The following KLF6 variants were observed in gnomAD, a reference collection of about 807,000 sequenced individuals.
KLF6 encodes KLF transcription factor 6.
For missense variants in KLF6, 233 were observed against 359.8 expected (o/e 0.65, Z 2.85); for synonymous variants, 152 against 147.9 (o/e 1.03, Z -0.20).
rs1358513752 is a variant in KLF6 at position 3,785,170 on chromosome 10, G to A, written c.-156C>T. 6.9e-7 allele frequency: 1 copy of A among 1,458,448 alleles called. No individual in the cohort carries two copies. The highest frequency in any genetic ancestry group is 1.2e-5 in the South Asian group (1 of 81,912). 90.3% of individuals were successfully genotyped at this position (1,458,448 alleles called of 1,614,324 possible). On this transcript the variant is annotated 5_prime_UTR_variant, in exon 1 of 4. Coordinates refer to ENST00000497571, the MANE Select transcript of KLF6 (RefSeq NM_001300.6). ...CGGACCCTCCCGCAGCCCGCAGCGCGCGGAGCCCACACAATATTTGCAAAC... is the reference window on the plus strand; with the variant it reads ...CGGACCCTCCCGCAGCCCGCAGCGCACGGAGCCCACACAATATTTGCAAAC...
In KLF6 at chr10:3,785,087, C is replaced by G. The variant is rs1832621655; in HGVS notation, c.-73G>C. 1 of 1,600,928 alleles carries G rather than the reference C, an allele frequency of 6.2e-7. No individual in the cohort carries two copies. Among genetic ancestry groups the G allele is most frequent in the African/African-American group, 1.3e-5 (1 of 74,650 alleles). On this transcript the variant is annotated 5_prime_UTR_variant, in exon 1 of 4. Coordinates refer to ENST00000497571, the MANE Select transcript of KLF6 (RefSeq NM_001300.6). ...CGCGGTGGGAGCCGGAGCCGAAAGT[C>G]TCCCCGGAGCGCAGGTGAAAGTTTC...
At position 3,781,563 on chromosome 10, in the gene KLF6, G is replaced by T; in HGVS notation, c.676+78C>A. 2.5e-6 allele frequency: 4 copies of T among 1,583,398 alleles called. No homozygotes were observed. The highest frequency in any genetic ancestry group is 3.4e-6 in the Non-Finnish European group (4 of 1,164,878). ...CCCTGACCACATCCTGTGCAGCCAG[G>T]CCCGGCTCCCTCCAGGGCTGGTGCA... On this transcript the variant is annotated intron_variant, in intron 2 of 3. Transcript: ENST00000497571. The surrounding 1 kb of genome is among the most constrained non-coding windows in gnomAD (Gnocchi z 5.8).
intron 1 of KLF6, among the ~76,000 whole-genome samples, chr10:3,784,580 A>C (rs902152296): frequency 1.1e-4 from 17 of 151,356 alleles, no homozygotes; most frequent in African/African-American, 2.4e-4. Context: ...CGTTAAAAAA[A>C]AACAACAAAA....
chr10:3,777,130 A>T lies in KLF6; in HGVS notation c.*2409T>A, dbSNP rs754462960. On this transcript the variant is annotated 3_prime_UTR_variant, in exon 4 of 4. Transcript: ENST00000497571. ...GGTAAATGTATTCATCAGCCCAGAT[A>T]AAAAAAAAACCAGTTATGTGAGCGT... 3.5e-4 allele frequency: 148 copies of T among 422,596 alleles called. 1 individual carries two copies. Among genetic ancestry groups the T allele is most frequent in the Middle Eastern group, 1.3e-3 (2 of 1,578 alleles). 26.2% of individuals were successfully genotyped at this position (422,596 alleles called of 1,614,324 possible). A position where few individuals can be genotyped will look rare whatever the true frequency, so the allele number is the denominator to read the frequency against.
Position 3,779,605 on chromosome 10 carries a change from C to G in KLF6, c.801-15G>C, listed in dbSNP as rs1832477157. ...TGGAAAAACACCTGCAAGGGCAAAT[C>G]AGAAGCACAGAAGAAGTTAGGTTCC... On this transcript the variant is annotated splice_polypyrimidine_tract_variant and intron_variant, in intron 3 of 3. Transcript: ENST00000497571. 3.1e-6 allele frequency: 5 copies of G among 1,613,490 alleles called. No individual in the cohort carries two copies. The highest frequency in any genetic ancestry group is 3.4e-6 in the Non-Finnish European group (4 of 1,179,506).
Position 3,781,648 on chromosome 10 carries a change from C to T in KLF6, c.669G>A (p.Thr223=), listed in dbSNP as rs556380286. 5.6e-6 allele frequency: 9 copies of T among 1,612,470 alleles called. No homozygotes were observed. Among genetic ancestry groups the T allele is most frequent in the Middle Eastern group, 1.7e-4 (1 of 6,050 alleles). The change falls in exon 2 of 4, where the codon ACG becomes ACA. Residue 223 remains threonine (T), a synonymous_variant. Transcript: ENST00000497571. This position sits in a 1 kb window ranked among gnomAD's most constrained non-coding sequence, Gnocchi z 5.8. ...KSSHLKAHQR[T]HTGEKPYRCS... ...GCCCGCGTGGGCACTGACCTGTGTG[C>T]GTCCGCTGGTGTGCTTTCAAGTGGG...
At position 3,776,269 on chromosome 10, in the gene KLF6, G is replaced by A. The variant is rs537914963; in HGVS notation, c.*3270C>T. 10 of 532,806 alleles carry A rather than the reference G, an allele frequency of 1.9e-5. No homozygotes were observed. The highest frequency in any genetic ancestry group is 1.1e-4 in the African/African-American group (6 of 53,884). 33.0% of individuals were successfully genotyped at this position (532,806 alleles called of 1,614,324 possible). On this transcript the variant is annotated 3_prime_UTR_variant, in exon 4 of 4. Coordinates refer to ENST00000497571, the MANE Select transcript of KLF6 (RefSeq NM_001300.6). ...GCATTCCCTGGCTTGAGCAATGGAA[G>A]ATCAAACCGGCATGGTTCCCTACTG...
In KLF6 at chr10:3,777,591, C is replaced by A; in HGVS notation, c.*1948G>T. On this transcript the variant is annotated 3_prime_UTR_variant, in exon 4 of 4. Transcript: ENST00000497571. ...AACAGATTCAAGCAAGAAAGTCCTC[C>A]GCACATCGTTAAATTAAAGATAAAG... 1 of 510,574 alleles carries A rather than the reference C, an allele frequency of 2.0e-6. No individual in the cohort carries two copies. The highest frequency in any genetic ancestry group is 3.8e-6 in the Non-Finnish European group (1 of 261,390). 31.6% of individuals were successfully genotyped at this position (510,574 alleles called of 1,614,324 possible).
Position 3,779,441 on chromosome 10 carries a change from C to A in KLF6, c.*98G>T, listed in dbSNP as rs895439398. The A allele has an allele frequency of 4.7e-6, 5 of 1,065,528 alleles. No individual in the cohort carries two copies. In the African/African-American group the frequency reaches 6.2e-5, roughly 13 times the overall value. 66.0% of individuals were successfully genotyped at this position (1,065,528 alleles called of 1,614,324 possible). Reference sequence around the variant, plus strand: ...GCCCTGGAGGCAACTGGGTAGGGTGCAGAACGGCATGCTTTGGCTGGAACA... The same window carrying A: ...GCCCTGGAGGCAACTGGGTAGGGTGAAGAACGGCATGCTTTGGCTGGAACA... On this transcript the variant is annotated 3_prime_UTR_variant, in exon 4 of 4. Coordinates refer to ENST00000497571, the MANE Select transcript of KLF6 (RefSeq NM_001300.6).
In KLF6 at chr10:3,781,537, G is replaced by A. The variant is rs1174666113; in HGVS notation, c.676+104C>T. 4.5e-6 allele frequency: 7 copies of A among 1,561,638 alleles called. No homozygotes were observed. In the East Asian group the frequency reaches 1.4e-4, roughly 32 times the overall value. On this transcript the variant is annotated intron_variant, in intron 2 of 3. Transcript: ENST00000497571. The surrounding 1 kb of genome is among the most constrained non-coding windows in gnomAD (Gnocchi z 5.8). ...CATCTGAGGAAGTGAGGATTTGTCT[G>A]CCCTGACCACATCCTGTGCAGCCAG...
Position 3,776,919 on chromosome 10 carries a change from GTT to G in KLF6, c.*2618_*2619del, listed in dbSNP as rs755089147. ...TCGTAAGTGAGACAAGCCAGTGCAA[GTT>G]TTTTTTTTTCCTTTTTTTTTTTTTG... On this transcript the variant is annotated 3_prime_UTR_variant, in exon 4 of 4. Coordinates refer to ENST00000497571, the MANE Select transcript of KLF6 (RefSeq NM_001300.6). 2.3e-6 allele frequency: 1 copy of G among 432,458 alleles called. No homozygotes were observed. The highest frequency in any genetic ancestry group is 2.2e-5 in the African/African-American group (1 of 46,316). The allele number at this position is 432,458 out of a possible 1,614,324, so 26.8% of individuals were successfully genotyped here. A position where few individuals can be genotyped will look rare whatever the true frequency, so the allele number is the denominator to read the frequency against.
rs1301874282 is a variant in KLF6, at chr10:3,778,945, G to C, written c.*594C>G. On this transcript the variant is annotated 3_prime_UTR_variant, in exon 4 of 4. Coordinates refer to ENST00000497571, the MANE Select transcript of KLF6 (RefSeq NM_001300.6). Reference sequence around the variant, plus strand: ...TCCTCTCACACAGAAAAGGGGGAGAGAGGCTCTCCCTCCCCACACCACTCG... The same window carrying C: ...TCCTCTCACACAGAAAAGGGGGAGACAGGCTCTCCCTCCCCACACCACTCG... The C allele has an allele frequency of 1.9e-6, 1 of 534,852 alleles. No individual in the cohort carries two copies. Among genetic ancestry groups the C allele is most frequent in the South Asian group, 1.5e-5 (1 of 65,174 alleles). 33.1% of individuals were successfully genotyped at this position (534,852 alleles called of 1,614,324 possible). A position where few individuals can be genotyped will look rare whatever the true frequency, so the allele number is the denominator to read the frequency against.
Position 3,776,221 on chromosome 10 carries a change from C to G in KLF6, c.*3318G>C. 1.9e-6 allele frequency: 1 copy of G among 532,340 alleles called. No individual in the cohort carries two copies. Among genetic ancestry groups the G allele is most frequent in the Non-Finnish European group, 3.6e-6 (1 of 275,192 alleles). 33.0% of individuals were successfully genotyped at this position (532,340 alleles called of 1,614,324 possible). Reference sequence around the variant, plus strand: ...GTGGCAGGGAAACACTCAAGTTTGTCGTTGTGCAGGTGCCTCTGCAATGCA... The same window carrying G: ...GTGGCAGGGAAACACTCAAGTTTGTGGTTGTGCAGGTGCCTCTGCAATGCA... On this transcript the variant is annotated 3_prime_UTR_variant, in exon 4 of 4. Coordinates refer to ENST00000497571, the MANE Select transcript of KLF6 (RefSeq NM_001300.6).
In KLF6 at chr10:3,777,387, A is replaced by T. The variant is rs758089521; in HGVS notation, c.*2152T>A. On this transcript the variant is annotated 3_prime_UTR_variant, in exon 4 of 4. Transcript: ENST00000497571. ...CTGCATAAAAAGTGTTCTACAAAAGAATCCCTGTGGTTAGCTTACTCTTAG... is the reference window on the plus strand; with the variant it reads ...CTGCATAAAAAGTGTTCTACAAAAGTATCCCTGTGGTTAGCTTACTCTTAG... 8 of 512,382 alleles carry T rather than the reference A, an allele frequency of 1.6e-5. No individual in the cohort carries two copies. In the Middle Eastern group the frequency reaches 1.7e-3, roughly 107 times the overall value. 31.7% of individuals were successfully genotyped at this position (512,382 alleles called of 1,614,324 possible). A position where few individuals can be genotyped will look rare whatever the true frequency, so the allele number is the denominator to read the frequency against.
intron 1 of KLF6, 77 bp downstream of exon 1, chr10:3,784,836 C>A: frequency 7.2e-7 from 1 of 1,386,612 alleles, no homozygotes; most frequent in Non-Finnish European, 9.7e-7. Flanking sequence ...CCGCAGAGAG[C>A]ACCGGGTCTG....
Position 3,779,091 on chromosome 10 carries a change from C to A in KLF6, c.*448G>T. ...CTAAGGTGCAGACACCCCCTCCCCC[C>A]AAGGAAATGATTGGTGGTCATCTCA... On this transcript the variant is annotated 3_prime_UTR_variant, in exon 4 of 4. Coordinates refer to ENST00000497571, the MANE Select transcript of KLF6 (RefSeq NM_001300.6). The A allele has an allele frequency of 3.7e-6, 2 of 536,238 alleles. No homozygotes were observed. Among genetic ancestry groups the A allele is most frequent in the Non-Finnish European group, 7.2e-6 (2 of 277,458 alleles). The allele number at this position is 536,238 out of a possible 1,614,324, so 33.2% of individuals were successfully genotyped here.
rs1415921882 is a variant in KLF6 at position 3,781,582 on chromosome 10, T to C, written c.676+59A>G. On this transcript the variant is annotated intron_variant, in intron 2 of 3. Coordinates refer to ENST00000497571, the MANE Select transcript of KLF6 (RefSeq NM_001300.6). The surrounding 1 kb of genome is among the most constrained non-coding windows in gnomAD (Gnocchi z 5.8). The stretch of plus-strand genomic sequence containing the variant: ...AGCCAGGCCCGGCTCCCTCCAGGGC[T>C]GGTGCAATGCAGTGGCGCCCACCAG... 1 of 1,600,932 alleles carries C rather than the reference T, an allele frequency of 6.2e-7. No individual in the cohort carries two copies. Among genetic ancestry groups the C allele is most frequent in the East Asian group, 2.3e-5 (1 of 43,978 alleles).
Position 3,776,308 on chromosome 10 carries a change from G to C in KLF6, c.*3231C>G. The stretch of plus-strand genomic sequence containing the variant: ...GGTTCCCTACTGTGCCCACAGCCGG[G>C]GGGTTGTTTTTGTCAGTCCTTGGAG... On this transcript the variant is annotated 3_prime_UTR_variant, in exon 4 of 4. Transcript: ENST00000497571. The C allele has an allele frequency of 1.9e-6, 1 of 533,016 alleles. No homozygotes were observed. The highest frequency in any genetic ancestry group is 3.9e-5 in the East Asian group (1 of 25,578). The allele number at this position is 533,016 out of a possible 1,614,324, so 33.0% of individuals were successfully genotyped here.
At position 3,777,836 on chromosome 10, in the gene KLF6, A is replaced by T. The variant is rs1481505810; in HGVS notation, c.*1703T>A. ...AAGAATTCTGCCCACTTTTTTAAAA[A>T]AGTAGTATACTTTCTGTATTACCAA... On this transcript the variant is annotated 3_prime_UTR_variant, in exon 4 of 4. Transcript: ENST00000497571. 1.9e-5 allele frequency: 9 copies of T among 481,520 alleles called. No homozygotes were observed. The highest frequency in any genetic ancestry group is 4.7e-5 in the Admixed American group (2 of 42,558). 29.8% of individuals were successfully genotyped at this position (481,520 alleles called of 1,614,324 possible).
Sources: gnomAD v4.1 joint callset for allele counts (sites outside exome capture counted in the v4.1 genomes callset) on GRCh38, gnomAD v4.1.1 for gene constraint, Gnocchi (gnomAD v3.1) non-coding constraint, MANE v1.5 for transcripts, NCBI Gene and HGNC (gene_info 2026-07-23, HGNC 2026-07-21) for gene names.